The following MYRIP variants were observed in gnomAD, a reference collection of about 807,000 sequenced individuals.
MYRIP encodes rab effector MyRIP.
A neutral mutation model predicts 98.0 loss-of-function variants in MYRIP; 49 were observed. The observed-to-expected ratio is 0.50, with a 90% CI of 0.40 to 0.63. MYRIP has a LOEUF of 0.63. Among genes scored for constraint, MYRIP ranks in the 30% least tolerant of loss-of-function variants. MYRIP has a pLI of 0.00. For missense variants in MYRIP, 1,004 were observed against 1,058.2 expected, an observed-to-expected ratio of 0.95 and a Z score of 0.71; for synonymous variants, 404 against 409.5, an observed-to-expected ratio of 0.99 and a Z score of 0.16.
intron 2 of MYRIP, among the ~76,000 whole-genome samples, chr3:39,940,735 A>C (rs1270782176): frequency 6.6e-6 from 1 of 152,200 alleles, no homozygotes; most frequent in Admixed American, 6.6e-5. Flanking sequence ...ACAATAGACT[A>C]AAAATGCATA....
At chr3:40,138,067 A>C (rs1467642622) in intron 3 of MYRIP, among the ~76,000 whole-genome samples, 1 of 152,244 alleles carries the variant, frequency 6.6e-6, no homozygotes, top group African/African-American at 2.4e-5. Flanking sequence ...GAAATGGAGC[A>C]AAGTGGAAAG....
intron 8 of MYRIP, among the ~76,000 whole-genome samples, chr3:40,180,206 T>TGTAA (rs1466491023): frequency 6.6e-6 from 1 of 152,182 alleles, no homozygotes; most frequent in East Asian, 1.9e-4. Flanking sequence ...CTCTCCAGGA[T>TGTAA]GTAAGTGTAG....
intron 3 of MYRIP, among the ~76,000 whole-genome samples, chr3:40,149,879 G>A (rs1950084532): frequency 6.6e-6 from 1 of 152,094 alleles, no homozygotes; most frequent in Admixed American, 6.5e-5. Context: ...CTGGGGTCTG[G>A]AAAAGAAGAG....
chr3:39,887,994 G>A (rs1188337270), intron 1 of MYRIP, among the ~76,000 whole-genome samples: 3 of 150,584 alleles, frequency 2.0e-5, no homozygotes, highest in African/African-American at 7.4e-5. Flanking sequence ...CCTCTTCAAG[G>A]AGAACTACAA....
chr3:40,049,639 A>G (rs1450917067), intron 3 of MYRIP, among the ~76,000 whole-genome samples: 1 of 152,126 alleles, frequency 6.6e-6, no homozygotes, highest in Non-Finnish European at 1.5e-5. Flanking sequence ...GTTCAAAAAA[A>G]AAAAGGGAAA....
intron 3 of MYRIP, among the ~76,000 whole-genome samples, chr3:40,062,904 G>T (rs1452866569): frequency 6.6e-6 from 1 of 152,164 alleles, no homozygotes; most frequent in Non-Finnish European, 1.5e-5. Flanking sequence ...GCAAGTCAAA[G>T]AAAGTTACTG....
At chr3:40,187,508 G>C (rs1170301363) in intron 9 of MYRIP, among the ~76,000 whole-genome samples, 1 of 152,206 alleles carries the variant, frequency 6.6e-6, no homozygotes, top group African/African-American at 2.4e-5. Context: ...GCAGTCCTCT[G>C]ACAACCCAGT....
chr3:40,029,005 C>T (rs1947197706), intron 2 of MYRIP, among the ~76,000 whole-genome samples: 1 of 152,096 alleles, frequency 6.6e-6, no homozygotes, highest in African/African-American at 2.4e-5. Flanking sequence ...TGTGTATCAG[C>T]AAACAAAACT....
intron 1 of MYRIP, among the ~76,000 whole-genome samples, chr3:39,821,373 A>T (rs567306768): frequency 6.6e-6 from 1 of 150,410 alleles, no homozygotes; most frequent in Non-Finnish European, 1.5e-5. Context: ...CTTTTGGCCA[A>T]TCTCACCAGA....
chr3:40,189,322 C>A (rs143243221), intron 9 of MYRIP, among the ~76,000 whole-genome samples: 2 of 152,170 alleles, frequency 1.3e-5, no homozygotes, highest in African/African-American at 4.8e-5. Context: ...ATCTCAGGAG[C>A]CTATTACGAA....
At chr3:39,960,653 C>T (rs936174884) in intron 2 of MYRIP, among the ~76,000 whole-genome samples, 4 of 152,006 alleles carry the variant, frequency 2.6e-5, no homozygotes, top group South Asian at 4.1e-4. Flanking sequence ...GCACTATTGG[C>T]GCCACATATA....
chr3:40,167,342 G>GAAGA, intron 7 of MYRIP, 103 bp downstream of exon 7: 6 of 1,027,356 alleles, frequency 5.8e-6, no homozygotes, highest in Non-Finnish European at 8.8e-6. Flanking sequence ...CTCTAGCACT[G>GAAGA]TATCTTCTGT....
At chr3:39,986,589 G>T (rs1053350326) in intron 2 of MYRIP, among the ~76,000 whole-genome samples, 3 of 152,140 alleles carry the variant, frequency 2.0e-5, no homozygotes, top group Non-Finnish European at 4.4e-5. Context: ...CACAGTGGAT[G>T]CTGCAGCGGT....
intron 2 of MYRIP, among the ~76,000 whole-genome samples, chr3:39,958,939 C>T (rs1185390832): frequency 1.3e-5 from 2 of 152,170 alleles, no homozygotes; most frequent in African/African-American, 4.8e-5. Flanking sequence ...CTCATCATCA[C>T]TGGCCATCAG....
intron 3 of MYRIP, among the ~76,000 whole-genome samples, chr3:40,113,729 G>A (rs113641866): frequency 0.01 from 1,526 of 151,750 alleles, 11 homozygotes; most frequent in Middle Eastern, 0.017. Flanking sequence ...TCGCTCTTTC[G>A]CCCAGGCCAG....
chr3:39,980,225 C>T (rs1020629242), intron 2 of MYRIP, among the ~76,000 whole-genome samples: 4 of 152,160 alleles, frequency 2.6e-5, no homozygotes, highest in Non-Finnish European at 4.4e-5. Context: ...ATGGAGCTTC[C>T]GCCTGACCCC....
chr3:40,029,961 G>C (rs1038120139), intron 2 of MYRIP, among the ~76,000 whole-genome samples: 1 of 152,130 alleles, frequency 6.6e-6, no homozygotes, highest in Non-Finnish European at 1.5e-5. Flanking sequence ...TTGGGAGGCT[G>C]AGGTGGGAGG....
intron 1 of MYRIP, among the ~76,000 whole-genome samples, chr3:39,834,550 A>C (rs1004566328): frequency 2.0e-5 from 3 of 152,180 alleles, no homozygotes; most frequent in African/African-American, 7.2e-5. Flanking sequence ...TTTGTGTTTC[A>C]TTTTGTAGTT....
chr3:39,986,961 T>C (rs1455878601), intron 2 of MYRIP, among the ~76,000 whole-genome samples: 1 of 152,112 alleles, frequency 6.6e-6, no homozygotes, highest in Non-Finnish European at 1.5e-5. Flanking sequence ...CAATAAATCA[T>C]GTTAACAAGA....
Sources: gnomAD v4.1 joint callset for allele counts (sites outside exome capture counted in the v4.1 genomes callset) on GRCh38, gnomAD v4.1.1 for gene constraint, MANE v1.5 for transcripts, NCBI Gene and HGNC (gene_info 2026-07-23, HGNC 2026-07-21) for gene names.